KCNIP4: variants seen among roughly 807,000 people sequenced by gnomAD.
The protein encoded by KCNIP4 is potassium voltage-gated channel interacting protein 4, also known as Kv channel-interacting protein 4.
KCNIP4 carries 12 observed loss-of-function variants against 34.0 expected under a neutral mutation model. The ratio of observed to expected loss-of-function variants is 0.35; its 90% CI spans 0.23 to 0.57. KCNIP4 has a LOEUF of 0.57. Among genes scored for constraint, KCNIP4 ranks in the 20% least tolerant of loss-of-function variants. The probability of loss-of-function intolerance (pLI) is 0.83; values close to 1 mark genes in which losing one functional copy is unlikely to be tolerated. For missense variants in KCNIP4, 238 were observed against 311.7 expected, an observed-to-expected ratio of 0.76 and a Z score of 1.78; for synonymous variants, 124 against 102.2, an observed-to-expected ratio of 1.21 and a Z score of -1.29.
chr4:20,925,985 T>C lies in KCNIP4; in HGVS notation c.62-43276A>G, dbSNP rs369530994. On this transcript the variant is annotated intron_variant, in intron 1 of 8. Coordinates refer to ENST00000382152, the MANE Select transcript of KCNIP4 (RefSeq NM_025221.6). ...AGAGACAAAGTGCCCAAAGTTGTTT[T>C]TGGGGCCTGGTCACATAGGTGCTCT... 2.8e-4 allele frequency among the ~76,000 whole-genome samples: 43 copies of C among 152,366 alleles called. No homozygotes were observed. The South Asian group carries it at 4.1e-3, about 15-fold the overall frequency.
intron 1 of KCNIP4, among the ~76,000 whole-genome samples, chr4:21,732,791 T>C (rs970731362): frequency 2.0e-5 from 3 of 152,160 alleles, no homozygotes; most frequent in Non-Finnish European, 4.4e-5. Flanking sequence ...TGATGTCTGC[T>C]CAGACTCTGA....
chr4:21,532,099 T>TGGAACAC (rs1431749523), intron 1 of KCNIP4, among the ~76,000 whole-genome samples: 2 of 152,144 alleles, frequency 1.3e-5, no homozygotes, highest in Non-Finnish European at 2.9e-5. Context: ...CTTTGAGTCT[T>TGGAACAC]GGAACACTTA....
intron 1 of KCNIP4, among the ~76,000 whole-genome samples, chr4:21,737,175 T>A (rs956172836): frequency 6.6e-6 from 1 of 152,182 alleles, no homozygotes; most frequent in African/African-American, 2.4e-5. Flanking sequence ...GTGTAGTCAT[T>A]TACCTACCTT....
chr4:21,759,152 A>G (rs1717876139), intron 1 of KCNIP4, among the ~76,000 whole-genome samples: 1 of 152,206 alleles, frequency 6.6e-6, no homozygotes, highest in Non-Finnish European at 1.5e-5. Context: ...AGCTGTTCCC[A>G]TGAAAATCTT....
chr4:21,566,574 C>T (rs1188201074), intron 1 of KCNIP4, among the ~76,000 whole-genome samples: 1 of 152,152 alleles, frequency 6.6e-6, no homozygotes, highest in African/African-American at 2.4e-5. Context: ...AGCCAAGCTT[C>T]CTGTACAGTT....
At chr4:21,708,061 G>A (rs1425768420) in intron 1 of KCNIP4, among the ~76,000 whole-genome samples, 6 of 151,786 alleles carry the variant, frequency 4.0e-5, no homozygotes, top group Non-Finnish European at 2.9e-5. Flanking sequence ...TAAGGAACTG[G>A]GGTTCTAATT....
chr4:20,968,823 C>T (rs1041860965), intron 1 of KCNIP4, among the ~76,000 whole-genome samples: 7 of 151,910 alleles, frequency 4.6e-5, no homozygotes, highest in East Asian at 3.9e-4. Context: ...AAATATCTAA[C>T]GTAAATGACC....
chr4:21,502,696 A>T (rs1263684999), intron 1 of KCNIP4, among the ~76,000 whole-genome samples: 1 of 152,140 alleles, frequency 6.6e-6, no homozygotes, highest in Non-Finnish European at 1.5e-5. Flanking sequence ...ATGAAATCAG[A>T]AATGTTAATT....
At chr4:21,936,548 G>A (rs1216630348) in intron 1 of KCNIP4, among the ~76,000 whole-genome samples, 1 of 152,086 alleles carries the variant, frequency 6.6e-6, no homozygotes, top group East Asian at 1.9e-4. Flanking sequence ...CATCAGAGAA[G>A]TACCATATCA....
At chr4:21,226,321 GGGAAGGGAA>G (rs376265664) in intron 1 of KCNIP4, among the ~76,000 whole-genome samples, 6 of 123,614 alleles carry the variant, frequency 4.9e-5, no homozygotes, top group East Asian at 2.2e-4. Flanking sequence ...AGGAAAGAAA[GGGAAGGGAA>G]GGAAGGGAAG....
At chr4:21,777,521 A>T (rs2109204717) in intron 1 of KCNIP4, among the ~76,000 whole-genome samples, 1 of 152,298 alleles carries the variant, frequency 6.6e-6, no homozygotes, top group Non-Finnish European at 1.5e-5. Context: ...AAACTGCACA[A>T]TTTTTACAGT....
At chr4:21,762,817 T>C (rs1039254092) in intron 1 of KCNIP4, 2 of 683,420 alleles carry the variant, frequency 2.9e-6, no homozygotes, top group African/African-American at 3.8e-5. Context: ...TCTGAATAAA[T>C]GTTCACATGA....
At chr4:21,485,629 C>T (rs1023480766) in intron 1 of KCNIP4, among the ~76,000 whole-genome samples, 1 of 152,154 alleles carries the variant, frequency 6.6e-6, no homozygotes, top group African/African-American at 2.4e-5. Flanking sequence ...AGCTTAAAAG[C>T]CACATCATAT....
chr4:20,950,933 G>A (rs6811024), intron 1 of KCNIP4, among the ~76,000 whole-genome samples: 95,530 of 151,846 alleles, frequency 0.63, 30,620 homozygotes, highest in East Asian at 0.81. Context: ...CTAAAGTTAC[G>A]TGGGCATTTG....
chr4:21,804,278 C>G (rs1450892753), intron 1 of KCNIP4, among the ~76,000 whole-genome samples: 1 of 152,128 alleles, frequency 6.6e-6, no homozygotes, highest in Non-Finnish European at 1.5e-5. Flanking sequence ...ATTTTCATGG[C>G]TTGGGTTGTG....
intron 1 of KCNIP4, among the ~76,000 whole-genome samples, chr4:21,649,855 G>C (rs537533642): frequency 6.6e-6 from 1 of 152,276 alleles, no homozygotes; most frequent in South Asian, 2.1e-4. Context: ...CAAGATTAAT[G>C]ACCTCTAAGT....
intron 1 of KCNIP4, among the ~76,000 whole-genome samples, chr4:21,300,424 T>G (rs1176460806): frequency 6.6e-6 from 1 of 152,184 alleles, no homozygotes; most frequent in Non-Finnish European, 1.5e-5. Context: ...TGTTTTATCC[T>G]TAGAAATCTG....
intron 1 of KCNIP4, among the ~76,000 whole-genome samples, chr4:21,699,712 G>T (rs1433767177): frequency 2.0e-5 from 3 of 152,198 alleles, no homozygotes; most frequent in South Asian, 2.1e-4. Context: ...GAGACTTCTG[G>T]GAGACATTTT....
chr4:21,502,400 G>A (rs905059407), intron 1 of KCNIP4, among the ~76,000 whole-genome samples: 2 of 152,098 alleles, frequency 1.3e-5, no homozygotes, highest in Non-Finnish European at 2.9e-5. Flanking sequence ...TAAATGAATT[G>A]AAACTGCACA....
Sources: gnomAD v4.1 joint callset for allele counts (sites outside exome capture counted in the v4.1 genomes callset) on GRCh38, gnomAD v4.1.1 for gene constraint, MANE v1.5 for transcripts, NCBI Gene and HGNC (gene_info 2026-07-23, HGNC 2026-07-21) for gene names.